DLEU7: variants seen among roughly 807,000 people sequenced by gnomAD.
DLEU7 encodes the protein leukemia-associated protein 7.
DLEU7 carries 17 observed loss-of-function variants against 16.0 expected under a neutral mutation model. The observed-to-expected ratio is 1.06, with a 90% CI of 0.73 to 1.59. The LOEUF (loss-of-function observed/expected upper bound fraction) is 1.59, where lower values mean the gene tolerates loss of function less well. DLEU7 is among the 40% of genes most tolerant of loss of function. DLEU7 has a pLI of 0.00. For synonymous variants in DLEU7, 113 were observed against 139.8 expected (o/e 0.81, Z 1.35); for missense variants, 308 against 314.9 (o/e 0.98, Z 0.17).
chr13:50,746,415 C>T (rs954376899), intron 1 of DLEU7, among the ~76,000 whole-genome samples: 3 of 152,176 alleles, frequency 2.0e-5, no homozygotes, highest in Non-Finnish European at 4.4e-5. Flanking sequence ...AATCAGCTAT[C>T]CTGTGGCCTT....
At chr13:50,764,976 G>A (rs1875058199) in intron 1 of DLEU7, among the ~76,000 whole-genome samples, 1 of 152,128 alleles carries the variant, frequency 6.6e-6, no homozygotes, top group Non-Finnish European at 1.5e-5. Flanking sequence ...TCTGCATCCT[G>A]TGTTCAAGCA....
downstream of DLEU7, among the ~76,000 whole-genome samples, chr13:50,821,075 G>A (rs1876890229): frequency 6.6e-6 from 1 of 152,124 alleles, no homozygotes; most frequent in African/African-American, 2.4e-5. Flanking sequence ...TAGGGCTAAT[G>A]GAGAATGCCA....
At chr13:50,765,985 C>A (rs543496338) in intron 1 of DLEU7, among the ~76,000 whole-genome samples, 2 of 151,946 alleles carry the variant, frequency 1.3e-5, no homozygotes, top group Middle Eastern at 3.4e-3. Context: ...AGCTTTTGGA[C>A]TTTTTCAGAA....
chr13:50,802,350 A>G (rs1419580218), intron 1 of DLEU7, among the ~76,000 whole-genome samples: 2 of 152,132 alleles, frequency 1.3e-5, no homozygotes, highest in East Asian at 1.9e-4. Flanking sequence ...TGGTTCCACT[A>G]AACAGAGTAG....
chr13:50,780,694 G>T (rs1346504717), intron 1 of DLEU7, among the ~76,000 whole-genome samples: 1 of 152,126 alleles, frequency 6.6e-6, no homozygotes, highest in Non-Finnish European at 1.5e-5. Flanking sequence ...AGTCATCATT[G>T]GTCCTTTCCC....
At chr13:50,800,603 C>T (rs142193961) in intron 1 of DLEU7, among the ~76,000 whole-genome samples, 160 of 152,212 alleles carry the variant, frequency 1.1e-3, no homozygotes, top group African/African-American at 3.6e-3. Flanking sequence ...AGGGGTTTTC[C>T]CGCACATTAA....
Position 50,823,400 on chromosome 13 carries a change from G to A in DLEU7, c.580C>T (p.Gln194Ter), listed in dbSNP as rs982680045. The change falls in exon 2 of 2, where the codon CAG becomes TAG. Residue 194 changes from glutamine to a stop codon, truncating the protein, a stop_gained. Coordinates refer to ENST00000504404, the MANE Select transcript of DLEU7 (RefSeq NM_001306135.2). LOFTEE classifies it high-confidence loss of function. ...CLKTIVKKLI[Q>*]SLANFPSDAH... ...TCTGAAGGAAAATTAGCAAGTGACT[G>A]AATCAGCTTCTTGACTATTGTCTTC... 2.0e-6 allele frequency: 3 copies of A among 1,535,878 alleles called. No individual in the cohort carries two copies. The Admixed American group carries it at 5.9e-5, about 30-fold the overall frequency.
At chr13:50,801,078 A>T (rs1043666595) in intron 1 of DLEU7, among the ~76,000 whole-genome samples, 9 of 152,168 alleles carry the variant, frequency 5.9e-5, no homozygotes, top group Admixed American at 5.9e-4. Flanking sequence ...CTCTACAGAA[A>T]AAGTTGTTGT....
At chr13:50,725,521 TGGAATTAGCTATCTATGAGATTACAAA>T (rs1265461317) in intron 1 of DLEU7, among the ~76,000 whole-genome samples, 2 of 152,240 alleles carry the variant, frequency 1.3e-5, no homozygotes, top group South Asian at 2.1e-4. Flanking sequence ...CTAGGGCTTG[TGGAATTAGCTATCTATGAGATTACAAA>T]GGAATTAGCT....
intron 1 of DLEU7, among the ~76,000 whole-genome samples, chr13:50,720,131 T>C (rs1189638198): frequency 1.3e-5 from 2 of 152,342 alleles, no homozygotes; most frequent in Admixed American, 6.5e-5. Context: ...ATCCTGGGCA[T>C]GCTCTCACAG....
intron 1 of DLEU7, among the ~76,000 whole-genome samples, chr13:50,738,143 G>A (rs573329732): frequency 3.3e-5 from 5 of 152,150 alleles, no homozygotes; most frequent in African/African-American, 1.2e-4. Context: ...GGCTAAGAAA[G>A]CTGCAGAAGA....
intron 1 of DLEU7, among the ~76,000 whole-genome samples, chr13:50,725,473 T>A (rs1398105956): frequency 6.6e-6 from 1 of 152,158 alleles, no homozygotes; most frequent in Non-Finnish European, 1.5e-5. Context: ...TGCCCAGGTC[T>A]GCCTCAGGTC....
intron 1 of DLEU7, among the ~76,000 whole-genome samples, chr13:50,766,951 T>C (rs1365154771): frequency 1.3e-5 from 2 of 152,202 alleles, no homozygotes; most frequent in Non-Finnish European, 2.9e-5. Context: ...GTCTGTGTCC[T>C]GGTTTTTCTC....
chr13:50,787,904 A>C (rs1875833484), intron 1 of DLEU7, among the ~76,000 whole-genome samples: 1 of 151,470 alleles, frequency 6.6e-6, no homozygotes. Context: ...CTCTTCACAA[A>C]CCCATATTCA....
At chr13:50,733,315 G>A (rs993890391) in intron 1 of DLEU7, among the ~76,000 whole-genome samples, 1 of 152,092 alleles carries the variant, frequency 6.6e-6, no homozygotes, top group Admixed American at 6.5e-5. Context: ...TTAGATTATT[G>A]CACACAAACC....
chr13:50,746,243 A>G (rs1044451754), intron 1 of DLEU7, among the ~76,000 whole-genome samples: 5 of 152,216 alleles, frequency 3.3e-5, no homozygotes, highest in African/African-American at 1.2e-4. Flanking sequence ...TTGGCTAGGT[A>G]TTTTTTACAA....
At chr13:50,764,964 C>T (rs1324292906) in intron 1 of DLEU7, among the ~76,000 whole-genome samples, 1 of 152,164 alleles carries the variant, frequency 6.6e-6, no homozygotes, top group Non-Finnish European at 1.5e-5. Flanking sequence ...CTCACTGCAA[C>T]TTCTGCATCC....
At chr13:50,823,721 G>A (rs1876991137) in intron 1 of DLEU7, among the ~76,000 whole-genome samples, 1 of 152,166 alleles carries the variant, frequency 6.6e-6, no homozygotes, top group Admixed American at 6.6e-5. Context: ...GCCAATCACA[G>A]TGTGGACTGA....
intron 1 of DLEU7, among the ~76,000 whole-genome samples, chr13:50,765,613 G>A (rs1875079706): frequency 1.3e-5 from 2 of 152,182 alleles, no homozygotes; most frequent in South Asian, 4.2e-4. Flanking sequence ...TAAACAGATA[G>A]AAAGGAAGAA....
Sources: allele counts gnomAD v4.1 joint callset (sites outside exome capture counted in the v4.1 genomes callset), GRCh38; gene constraint gnomAD v4.1.1; transcripts MANE v1.5; gene names NCBI Gene and HGNC (gene_info 2026-07-23, HGNC 2026-07-21).